IMPG2: variants seen among roughly 807,000 people sequenced by gnomAD.
The protein encoded by IMPG2 is IPM 200.
In IMPG2, 91 loss-of-function variants were observed where a neutral mutation model predicts 129.2. The observed-to-expected ratio is 0.70, with a 90% confidence interval of 0.59 to 0.84. The LOEUF (loss-of-function observed/expected upper bound fraction) is 0.84, where lower values mean the gene tolerates loss of function less well. IMPG2 is among the 40% of genes least tolerant of loss of function. The probability of loss-of-function intolerance (pLI) is 0.00; values close to 1 mark genes in which losing one functional copy is unlikely to be tolerated. For synonymous variants in IMPG2, 510 were observed against 517.7 expected, an observed-to-expected ratio of 0.99 and a Z score of 0.20; for missense variants, 1,430 against 1,461.7, an observed-to-expected ratio of 0.98 and a Z score of 0.35.
At chr3:101,278,993 C>T (rs1021089918) in intron 4 of IMPG2, among the ~76,000 whole-genome samples, 9 of 152,114 alleles carry the variant, frequency 5.9e-5, no homozygotes, top group Non-Finnish European at 1.2e-4. Flanking sequence ...TCAGAAGAAA[C>T]ATTAACATAA....
intron 4 of IMPG2, among the ~76,000 whole-genome samples, chr3:101,286,171 T>A (rs1706943919): frequency 6.6e-6 from 1 of 152,072 alleles, no homozygotes; most frequent in South Asian, 2.1e-4. Flanking sequence ...ATACAAGTAA[T>A]AAAGTACCTA....
chr3:101,252,917 G>T (rs1706559476), intron 11 of IMPG2, among the ~76,000 whole-genome samples: 1 of 152,182 alleles, frequency 6.6e-6, no homozygotes, highest in Non-Finnish European at 1.5e-5. Flanking sequence ...TAGATGACAA[G>T]GGAGTCCCCC....
At chr3:101,282,915 A>G (rs6441595) in intron 4 of IMPG2, among the ~76,000 whole-genome samples, 19,486 of 152,238 alleles carry the variant, frequency 0.13, 1,303 homozygotes, top group Middle Eastern at 0.17. Context: ...AATTTTACGA[A>G]CAAATGTCAG....
chr3:101,285,037 C>T (rs975096002), intron 4 of IMPG2, among the ~76,000 whole-genome samples: 4 of 152,150 alleles, frequency 2.6e-5, no homozygotes, highest in Non-Finnish European at 4.4e-5. Context: ...GAATTGTAAA[C>T]AAGTCTCATT....
At chr3:101,256,157 G>GAA (rs1346882904) in intron 10 of IMPG2, among the ~76,000 whole-genome samples, 1 of 99,588 alleles carries the variant, frequency 1.0e-5, no homozygotes, top group Non-Finnish European at 2.1e-5. Flanking sequence ...AAGAAAGAAA[G>GAA]AAAGAAAGAA....
intron 10 of IMPG2, 59 bp downstream of exon 10, chr3:101,257,470 C>T: frequency 6.3e-7 from 1 of 1,596,438 alleles, no homozygotes; most frequent in East Asian, 2.2e-5. Context: ...AATTAGTTTA[C>T]ACCAGAGCAT....
intron 8 of IMPG2, among the ~76,000 whole-genome samples, chr3:101,268,165 A>G (rs1369720816): frequency 6.6e-6 from 1 of 152,248 alleles, no homozygotes; most frequent in Non-Finnish European, 1.5e-5. Context: ...TTTTTTAATA[A>G]AGCAGGATTA....
chr3:101,300,409 G>A (rs981321682), intron 3 of IMPG2, among the ~76,000 whole-genome samples: 4 of 152,366 alleles, frequency 2.6e-5, no homozygotes, highest in Non-Finnish European at 4.4e-5. Flanking sequence ...CAGCCACAGC[G>A]GTGGTGCTGG....
In IMPG2 at chr3:101,253,732, T is replaced by A; in HGVS notation, c.1203A>T (p.Gln401His). 6.2e-7 allele frequency: 1 copy of A among 1,612,066 alleles called. No homozygotes were observed. The highest frequency in any genetic ancestry group is 1.1e-5 in the South Asian group (1 of 90,826). ...HQTEDLVWNT[Q>H]SSSLQATPSS... is the part of the protein sequence containing the mutation. ...ACGGCGTTGCCTGAAGACTTGAACTTTGGGTGTTCCAAACTAGATCTTCAG... is the reference window on the plus strand; with the variant it reads ...ACGGCGTTGCCTGAAGACTTGAACTATGGGTGTTCCAAACTAGATCTTCAG... The change falls in exon 11 of 19, where the codon CAA becomes CAT. Residue 401 changes from glutamine to histidine, a missense_variant. Physicochemically the swap from Gln to His is conservative, Grantham distance 24. Transcript: ENST00000193391.
At chr3:101,306,860 A>T (rs1707210820) in intron 2 of IMPG2, among the ~76,000 whole-genome samples, 1 of 152,178 alleles carries the variant, frequency 6.6e-6, no homozygotes, top group Non-Finnish European at 1.5e-5. Flanking sequence ...AGAAAGCAAC[A>T]ATTATGAAAG....
intron 14 of IMPG2, among the ~76,000 whole-genome samples, chr3:101,241,120 C>T (rs1317492008): frequency 6.6e-6 from 1 of 152,240 alleles, no homozygotes; most frequent in Non-Finnish European, 1.5e-5. Context: ...AACACATTCT[C>T]AGTCCTTGTA....
rs750969860 is a variant in IMPG2, at chr3:101,246,116, A to T, written c.1240-11T>A. ...TTGAAAGGTATTATCCTGGGGGGAA[A>T]AAAAGGCTAAATCATATCATAGATA... On this transcript the variant is annotated splice_polypyrimidine_tract_variant and intron_variant, in intron 11 of 18. Transcript: ENST00000193391. The T allele has an allele frequency of 1.9e-6, 3 of 1,613,132 alleles. No individual in the cohort carries two copies. In the African/African-American group the frequency reaches 4.0e-5, roughly 22 times the overall value.
intron 2 of IMPG2, 95 bp downstream of exon 2, chr3:101,319,489 A>G: frequency 2.7e-6 from 4 of 1,472,520 alleles, no homozygotes; most frequent in Non-Finnish European, 3.8e-6. Flanking sequence ...TCCTGTCTAA[A>G]TTATCGTAAA....
chr3:101,285,275 T>C (rs1456421804), intron 4 of IMPG2, among the ~76,000 whole-genome samples: 1 of 152,180 alleles, frequency 6.6e-6, no homozygotes, highest in Non-Finnish European at 1.5e-5. Flanking sequence ...ACTGCCAGTG[T>C]GCACCAAAAG....
intron 17 of IMPG2, 60 bp downstream of exon 17, chr3:101,229,320 G>GGGC: frequency 1.2e-5 from 6 of 519,326 alleles, no homozygotes; most frequent in East Asian, 5.2e-5. Flanking sequence ...ACCACCCCCT[G>GGGC]CTCCCCCACA....
chr3:101,319,834 T>C lies in IMPG2; in HGVS notation c.86-2A>G. The stretch of plus-strand genomic sequence containing the variant: ...CCTCTATAGATAAGTAGGTTTGTGC[T>C]ACAGAGTGAAAGTATAGTCAAGTCT... On this transcript the variant is annotated splice_acceptor_variant, in intron 1 of 18. Transcript: ENST00000193391. LOFTEE classifies it high-confidence loss of function. The C allele has an allele frequency of 6.2e-7, 1 of 1,610,690 alleles. No individual in the cohort carries two copies. The highest frequency in any genetic ancestry group is 8.5e-7 in the Non-Finnish European group (1 of 1,179,342).
chr3:101,266,461 C>T (rs917627959), intron 9 of IMPG2, among the ~76,000 whole-genome samples: 2 of 152,166 alleles, frequency 1.3e-5, no homozygotes, highest in African/African-American at 2.4e-5. Flanking sequence ...CCTTTTCCCC[C>T]TTAGTTTTAA....
intron 3 of IMPG2, among the ~76,000 whole-genome samples, chr3:101,296,993 C>G (rs1361431231): frequency 6.6e-6 from 1 of 152,182 alleles, no homozygotes; most frequent in African/African-American, 2.4e-5. Flanking sequence ...AGCTCTGCCT[C>G]CCAGGTTCAC....
At chr3:101,227,295 A>G (rs552303414) in intron 18 of IMPG2, among the ~76,000 whole-genome samples, 56 of 152,328 alleles carry the variant, frequency 3.7e-4, no homozygotes, top group South Asian at 2.5e-3. Flanking sequence ...CCAATGTCTT[A>G]TTCCTTCTGT....
Sources: allele counts gnomAD v4.1 joint callset (sites outside exome capture counted in the v4.1 genomes callset), GRCh38; gene constraint gnomAD v4.1.1; transcripts MANE v1.5; gene names NCBI Gene and HGNC (gene_info 2026-07-23, HGNC 2026-07-21).